The following PARD3 variants were observed in gnomAD, a reference collection of about 807,000 sequenced individuals.
PARD3 encodes the protein partitioning defective 3 homolog.
A neutral mutation model predicts 155.4 loss-of-function variants in PARD3; 75 were observed. The observed-to-expected ratio is 0.48, with a 90% CI of 0.40 to 0.58. The LOEUF (loss-of-function observed/expected upper bound fraction) is 0.58. Ranked by LOEUF, PARD3 falls within the 20% of genes least tolerant of loss-of-function variation. The pLI is 0.00. For synonymous variants in PARD3, 576 were observed against 610.5 expected (o/e 0.94, Z 0.83); for missense variants, 1,642 against 1,721.7 (o/e 0.95, Z 0.82).
chr10:34,615,986 AC>A (rs1490334044), intron 2 of PARD3, among the ~76,000 whole-genome samples: 2 of 152,174 alleles, frequency 1.3e-5, no homozygotes, highest in African/African-American at 2.4e-5. Context: ...CTTCTTGTGC[AC>A]CCCTGGTGGG....
At chr10:34,608,197 T>C (rs927741436) in intron 2 of PARD3, among the ~76,000 whole-genome samples, 7 of 152,178 alleles carry the variant, frequency 4.6e-5, no homozygotes, top group Admixed American at 2.6e-4. Context: ...TTCTTCTGAA[T>C]TCCATGCTGG....
At chr10:34,226,326 G>C (rs1564498318) in intron 22 of PARD3, among the ~76,000 whole-genome samples, 1 of 152,266 alleles carries the variant, frequency 6.6e-6, no homozygotes, top group East Asian at 1.9e-4. Context: ...GAGGCGGGTG[G>C]ATCACTTAAG....
chr10:34,233,017 A>ATTTTTTTTTTT lies in PARD3; in HGVS notation c.3419+36629_3419+36639dup, dbSNP rs3039283. On this transcript the variant is annotated intron_variant, in intron 22 of 24. Coordinates refer to ENST00000374788, the MANE Select transcript of PARD3 (RefSeq NM_001184785.2). The stretch of plus-strand genomic sequence containing the variant: ...GTGCCCGGCCCATCCTCAAATGTTA[A>ATTTTTTTTTTT]TTTTTTTTTTTTTTTTTTTTTTGCC... 9.1e-4 allele frequency among the ~76,000 whole-genome samples: 88 copies of ATTTTTTTTTTT among 96,176 alleles called. 5 individuals carry two copies. The highest frequency in any genetic ancestry group is 2.0e-3 in the African/African-American group (45 of 22,734). The allele number at this position is 96,176 out of a possible 152,430, so 63.1% of individuals were successfully genotyped here. A position where few individuals can be genotyped will look rare whatever the true frequency, so the allele number is the denominator to read the frequency against.
chr10:34,665,808 A>G (rs1161652104), intron 2 of PARD3, among the ~76,000 whole-genome samples: 1 of 149,648 alleles, frequency 6.7e-6, no homozygotes, highest in Non-Finnish European at 1.5e-5. Flanking sequence ...ACTGCACTCC[A>G]GCCTGGGCTT....
chr10:34,791,466 T>C (rs183737921), intron 1 of PARD3, among the ~76,000 whole-genome samples: 1 of 152,044 alleles, frequency 6.6e-6, no homozygotes, highest in Admixed American at 6.5e-5. Context: ...GAGCCCTGGA[T>C]AAAGAGGACA....
intron 10 of PARD3, among the ~76,000 whole-genome samples, chr10:34,377,418 T>C (rs939523415): frequency 6.6e-6 from 1 of 151,924 alleles, no homozygotes; most frequent in African/African-American, 2.4e-5. Flanking sequence ...GGTGAAACCC[T>C]GTCTCTATGA....
intron 2 of PARD3, among the ~76,000 whole-genome samples, chr10:34,550,995 A>G (rs2084508849): frequency 6.6e-6 from 1 of 152,180 alleles, no homozygotes; most frequent in Admixed American, 6.5e-5. Context: ...AGTAGTAGAG[A>G]CATTCTCTCA....
intron 3 of PARD3, among the ~76,000 whole-genome samples, chr10:34,513,764 G>T (rs1331870641): frequency 1.3e-5 from 2 of 152,170 alleles, no homozygotes; most frequent in African/African-American, 4.8e-5. Context: ...TTAATTCAGG[G>T]TTTCTAACCG....
intron 22 of PARD3, among the ~76,000 whole-genome samples, chr10:34,199,951 GTTA>G (rs1449188879): frequency 3.9e-5 from 6 of 152,112 alleles, no homozygotes; most frequent in Non-Finnish European, 8.8e-5. Flanking sequence ...AGGATATTGT[GTTA>G]TTATCCTGAG....
At chr10:34,402,284 T>A (rs1480988798) in intron 5 of PARD3, among the ~76,000 whole-genome samples, 1 of 152,210 alleles carries the variant, frequency 6.6e-6, no homozygotes, top group Non-Finnish European at 1.5e-5. Flanking sequence ...AATGTATTGA[T>A]AAACAAATAT....
chr10:34,756,486 A>C (rs980863087), intron 1 of PARD3, among the ~76,000 whole-genome samples: 15 of 147,882 alleles, frequency 1.0e-4, no homozygotes, highest in African/African-American at 3.6e-4. Context: ...ATAAAAAAAA[A>C]AAAAAAAAAA....
intron 14 of PARD3, 101 bp downstream of exon 14, chr10:34,359,046 T>C (rs969356777): frequency 1.5e-5 from 11 of 747,810 alleles, no homozygotes; most frequent in Admixed American, 2.5e-5. Context: ...TTATGGTCTT[T>C]TGATGTAAGG....
intron 2 of PARD3, among the ~76,000 whole-genome samples, chr10:34,541,744 A>T (rs545143160): frequency 6.6e-6 from 1 of 152,206 alleles, no homozygotes; most frequent in African/African-American, 2.4e-5. Context: ...AATTAAGCCA[A>T]TATTATATGT....
rs1206431554 is a variant in PARD3, at chr10:34,673,994, AAAAC to A, written c.222+22320_222+22323del. On this transcript the variant is annotated intron_variant, in intron 2 of 24. Coordinates refer to ENST00000374788, the MANE Select transcript of PARD3 (RefSeq NM_001184785.2). The stretch of plus-strand genomic sequence containing the variant: ...AGCGAGAGTCTGCATCAAAAAAAAA[AAAAC>A]AAACAAACAGGAGGAGAGTTCTAAT... Among the ~76,000 whole-genome samples the A allele has an allele frequency of 5.3e-5, 8 of 151,720 alleles. 1 individual carries two copies. In the East Asian group the frequency reaches 7.7e-4, roughly 15 times the overall value.
chr10:34,780,906 C>A (rs537980413), intron 1 of PARD3, among the ~76,000 whole-genome samples: 1 of 152,182 alleles, frequency 6.6e-6, no homozygotes, highest in East Asian at 1.9e-4. Context: ...TGAAACTCAA[C>A]GTGAAAGCTA....
intron 19 of PARD3, among the ~76,000 whole-genome samples, chr10:34,318,207 C>A: frequency 6.6e-6 from 1 of 152,150 alleles, no homozygotes; most frequent in East Asian, 1.9e-4. Context: ...AAGTAAGTCT[C>A]CCCCTACCAA....
chr10:34,712,207 T>C (rs752188726), intron 1 of PARD3, among the ~76,000 whole-genome samples: 2 of 152,204 alleles, frequency 1.3e-5, no homozygotes, highest in Non-Finnish European at 2.9e-5. Flanking sequence ...TATTGTTACC[T>C]GATGAACTGG....
rs58820083 is a variant in PARD3, at chr10:34,805,542, CATATAT to C, written c.120+9328_120+9333del. Among the ~76,000 whole-genome samples the C allele has an allele frequency of 1.8e-3, 251 of 140,778 alleles. 2 individuals carry two copies. Among genetic ancestry groups the C allele is most frequent in the African/African-American group, 5.0e-3 (195 of 39,330 alleles). The allele number at this position is 140,778 out of a possible 152,430, so 92.4% of individuals were successfully genotyped here. A position where few individuals can be genotyped will look rare whatever the true frequency, so the allele number is the denominator to read the frequency against. On this transcript the variant is annotated intron_variant, in intron 1 of 24. Coordinates refer to ENST00000374788, the MANE Select transcript of PARD3 (RefSeq NM_001184785.2). ...CACCCCAGAAATACACACGTATGTG[CATATAT>C]ATATATATATATATATATACACCGT...
At chr10:34,351,885 T>C (rs1017771572) in intron 14 of PARD3, among the ~76,000 whole-genome samples, 3 of 152,272 alleles carry the variant, frequency 2.0e-5, no homozygotes, top group African/African-American at 7.2e-5. Flanking sequence ...TTGACCTCTT[T>C]GCATTTATTT....
Sources: allele counts gnomAD v4.1 joint callset (sites outside exome capture counted in the v4.1 genomes callset), GRCh38; gene constraint gnomAD v4.1.1; transcripts MANE v1.5; gene names NCBI Gene and HGNC (gene_info 2026-07-23, HGNC 2026-07-21).